ANKRD11: variants seen among roughly 807,000 people sequenced by gnomAD.
The protein encoded by ANKRD11 is ankyrin repeat domain-containing protein 11.
A neutral mutation model predicts 195.7 loss-of-function variants in ANKRD11; 17 were observed. That is an observed-to-expected ratio of 0.09 (90% CI 0.06 to 0.13). The LOEUF (loss-of-function observed/expected upper bound fraction) is 0.13. Ranked by LOEUF, ANKRD11 falls within the 10% of genes least tolerant of loss-of-function variation. ANKRD11 has a pLI of 1.00. For synonymous variants in ANKRD11, 1,953 were observed against 1,528.1 expected, an observed-to-expected ratio of 1.28 and a Z score of -6.49; for missense variants, 3,735 against 3,566.1, an observed-to-expected ratio of 1.05 and a Z score of -1.21.
At chr16:89,350,874 G>T (rs1361726535) in intron 2 of ANKRD11, among the ~76,000 whole-genome samples, 1 of 152,164 alleles carries the variant, frequency 6.6e-6, no homozygotes, top group Non-Finnish European at 1.5e-5. Context: ...GGGTCCCATG[G>T]CATAAACACC....
chr16:89,393,716 C>A (rs967446941), intron 2 of ANKRD11, among the ~76,000 whole-genome samples: 1 of 151,864 alleles, frequency 6.6e-6, no homozygotes, highest in Non-Finnish European at 1.5e-5. Flanking sequence ...GCAGCCGGGC[C>A]GATGGAAACA....
In ANKRD11 at chr16:89,333,417, C is replaced by T. The variant is rs376784204; in HGVS notation, c.-59-16339G>A. Reference sequence around the variant, plus strand: ...ACCTCAGGGTCCACCGGGTGCTGTGCAGTCTATGGTTGGACGAACGTATCC... The same window carrying T: ...ACCTCAGGGTCCACCGGGTGCTGTGTAGTCTATGGTTGGACGAACGTATCC... On this transcript the variant is annotated intron_variant, in intron 2 of 12. Transcript: ENST00000301030. Among the ~76,000 whole-genome samples the T allele has an allele frequency of 5.6e-4, 86 of 152,286 alleles. 1 individual carries two copies. The East Asian group carries it at 0.016, about 28-fold the overall frequency.
At chr16:89,389,787 C>T (rs1273555704) in intron 2 of ANKRD11, among the ~76,000 whole-genome samples, 1 of 130,972 alleles carries the variant, frequency 7.6e-6, no homozygotes, top group Non-Finnish European at 1.6e-5. Flanking sequence ...GGGCAAACAC[C>T]GAGTGTGGCG....
At chr16:89,359,886 CAT>C (rs2039658428) in intron 2 of ANKRD11, among the ~76,000 whole-genome samples, 1 of 151,992 alleles carries the variant, frequency 6.6e-6, no homozygotes, top group Non-Finnish European at 1.5e-5. Context: ...ATCAGCATCA[CAT>C]AGTTTATATG....
chr16:89,462,341 G>A (rs973969568), intron 1 of ANKRD11, among the ~76,000 whole-genome samples: 5 of 152,224 alleles, frequency 3.3e-5, no homozygotes, highest in Non-Finnish European at 5.9e-5. Flanking sequence ...GAGGTGCCGG[G>A]ATTGCAGACG....
At chr16:89,454,283 C>T (rs1419862958) in intron 1 of ANKRD11, among the ~76,000 whole-genome samples, 2 of 152,060 alleles carry the variant, frequency 1.3e-5, no homozygotes, top group Admixed American at 1.3e-4. Flanking sequence ...TTGCCTGGGA[C>T]ACAGGGGCAG....
intron 11 of ANKRD11, 153 bp from the exon 12 acceptor site, chr16:89,271,062 C>T: frequency 1.4e-6 from 1 of 731,992 alleles, no homozygotes; most frequent in Non-Finnish European, 2.4e-6. Flanking sequence ...ATGTTCAAGG[C>T]ATGGCAGGCG....
intron 4 of ANKRD11, chr16:89,300,444 C>T: frequency 1.0e-5 from 2 of 194,128 alleles, no homozygotes; most frequent in Non-Finnish European, 1.1e-5. Context: ...GCTCTCCAGG[C>T]ACCTGCCCCG....
At chr16:89,296,198 A>G (rs1298252415) in intron 4 of ANKRD11, among the ~76,000 whole-genome samples, 1 of 151,770 alleles carries the variant, frequency 6.6e-6, no homozygotes, top group Non-Finnish European at 1.5e-5. Flanking sequence ...CGTCAGAGTC[A>G]TATTTAAATG....
intron 2 of ANKRD11, among the ~76,000 whole-genome samples, chr16:89,359,592 C>T (rs1357958637): frequency 5.3e-5 from 8 of 152,138 alleles, no homozygotes; most frequent in African/African-American, 2.4e-5. Flanking sequence ...GGCTGCTGGC[C>T]GAAACTGTTA....
chr16:89,282,828 G>T lies in ANKRD11; in HGVS notation c.3714C>A (p.Leu1238=). The change falls in exon 9 of 13, where the codon CTC becomes CTA. Residue 1238 remains leucine, a synonymous_variant. Coordinates refer to ENST00000301030, the MANE Select transcript of ANKRD11 (RefSeq NM_013275.6). ...STQDKKNKQK[L]PEKAEKKHAA... is the part of the protein sequence containing the mutation. ...CGTGCTTCTTTTCAGCCTTCTCGGGGAGCTTCTGTTTATTTTTCTTATCTT... is the reference window on the plus strand; with the variant it reads ...CGTGCTTCTTTTCAGCCTTCTCGGGTAGCTTCTGTTTATTTTTCTTATCTT... 3 of 1,611,276 alleles carry T rather than the reference G, an allele frequency of 1.9e-6. No homozygotes were observed. Among genetic ancestry groups the T allele is most frequent in the Non-Finnish European group, 2.5e-6 (3 of 1,180,004 alleles).
chr16:89,283,400 T>G lies in ANKRD11; in HGVS notation c.3142A>C (p.Lys1048Gln). Residue 1048 changes from lysine (K) to glutamine (Q), a missense_variant, in exon 9 of 13, where the codon AAG becomes CAG. Physicochemically the swap from Lys to Gln is moderately conservative, Grantham distance 53 (BLOSUM62 1). Coordinates refer to ENST00000301030, the MANE Select transcript of ANKRD11 (RefSeq NM_013275.6). This position sits in a 1 kb window ranked among gnomAD's most constrained non-coding sequence, Gnocchi z 4.3. ...SEKSILEKCQ[K>Q]DKEFDKCFKE... Reference sequence around the variant, plus strand: ...AAACATTTATCAAATTCTTTGTCCTTCTGACATTTTTCCAGGATTGATTTC... The same window carrying G: ...AAACATTTATCAAATTCTTTGTCCTGCTGACATTTTTCCAGGATTGATTTC... 1 of 1,614,086 alleles carries G rather than the reference T, an allele frequency of 6.2e-7. No individual in the cohort carries two copies. Among genetic ancestry groups the G allele is most frequent in the Non-Finnish European group, 8.5e-7 (1 of 1,180,044 alleles).
chr16:89,426,797 A>C (rs2042735505), intron 1 of ANKRD11, among the ~76,000 whole-genome samples: 1 of 152,212 alleles, frequency 6.6e-6, no homozygotes, highest in African/African-American at 2.4e-5. Context: ...GGACACTGGG[A>C]AACAGAAAAG....
In ANKRD11 at chr16:89,418,364, A is replaced by G. The variant is rs1348845885; in HGVS notation, c.-140T>C. ...GGTGTGTCCCAGAGCAGGGCTGTAT[A>G]TATTCTGAAACAAGAGAGTGAGATT... On this transcript the variant is annotated 5_prime_UTR_variant, in exon 2 of 13. Coordinates refer to ENST00000301030, the MANE Select transcript of ANKRD11 (RefSeq NM_013275.6). 2.3e-6 allele frequency: 1 copy of G among 443,246 alleles called. No individual in the cohort carries two copies. The highest frequency in any genetic ancestry group is 4.5e-6 in the Non-Finnish European group (1 of 220,150). 27.5% of individuals were successfully genotyped at this position (443,246 alleles called of 1,614,324 possible).
intron 1 of ANKRD11, among the ~76,000 whole-genome samples, chr16:89,432,226 C>T (rs899527650): frequency 7.4e-6 from 1 of 135,414 alleles, no homozygotes; most frequent in Non-Finnish European, 1.6e-5. Context: ...TGTTGTACAT[C>T]GTGATGCAGT....
intron 2 of ANKRD11, among the ~76,000 whole-genome samples, chr16:89,378,985 C>A (rs2040534852): frequency 6.6e-6 from 1 of 152,228 alleles, no homozygotes; most frequent in East Asian, 1.9e-4. Flanking sequence ...TGACGGCACA[C>A]TGGGGAGCGT....
chr16:89,470,413 G>A (rs1439420521), intron 1 of ANKRD11, among the ~76,000 whole-genome samples: 2 of 152,172 alleles, frequency 1.3e-5, no homozygotes, highest in Non-Finnish European at 2.9e-5. Flanking sequence ...AGCTTATCCA[G>A]GTCCAGGTCA....
chr16:89,308,343 ACT>A lies in ANKRD11; in HGVS notation c.88-3001_88-3000del, dbSNP rs771503517. On this transcript the variant is annotated intron_variant, in intron 3 of 12. Transcript: ENST00000301030. ...GAAAAGGCCTGGGATAAAATTCCAC[ACT>A]GTTTGTGATGTGGGAGGAAAGCCCC... 7.2e-5 allele frequency among the ~76,000 whole-genome samples: 11 copies of A among 152,368 alleles called. No homozygotes were observed. In the East Asian group the frequency reaches 1.2e-3, roughly 16 times the overall value.
intron 11 of ANKRD11, among the ~76,000 whole-genome samples, chr16:89,274,443 C>T (rs2033463140): frequency 6.6e-6 from 1 of 152,006 alleles, no homozygotes; most frequent in African/African-American, 2.4e-5. Flanking sequence ...CCTGGGGTGC[C>T]TGAGAGCAGC....
Sources: allele counts gnomAD v4.1 joint callset (sites outside exome capture counted in the v4.1 genomes callset), GRCh38; gene constraint gnomAD v4.1.1; non-coding constraint Gnocchi (gnomAD v3.1); transcripts MANE v1.5; gene names NCBI Gene and HGNC (gene_info 2026-07-23, HGNC 2026-07-21).